The following MARCHF10 variants were observed in gnomAD, a reference collection of about 807,000 sequenced individuals.
The protein encoded by MARCHF10 is probable E3 ubiquitin-protein ligase MARCHF10.
In MARCHF10, 64 loss-of-function variants were observed where a neutral mutation model predicts 76.2. The ratio of observed to expected loss-of-function variants is 0.84; its 90% CI spans 0.69 to 1.03. The LOEUF is 1.03. Ranked by LOEUF, MARCHF10 falls within the 50% of genes least tolerant of loss-of-function variation. MARCHF10 has a pLI of 0.00. For synonymous variants in MARCHF10, 340 were observed against 357.5 expected (o/e 0.95, Z 0.55); for missense variants, 875 against 958.0 (o/e 0.91, Z 1.14).
intron 1 of MARCHF10, 41 bp downstream of exon 1, chr17:62,808,036 G>A (rs2093188253): frequency 6.6e-6 from 1 of 151,634 alleles, no homozygotes; most frequent in Non-Finnish European, 1.5e-5. Flanking sequence ...CCCCATCCTG[G>A]GAGAACTGGA....
intron 6 of MARCHF10, among the ~76,000 whole-genome samples, chr17:62,733,261 C>G (rs2091113450): frequency 6.6e-6 from 1 of 151,964 alleles, no homozygotes; most frequent in Non-Finnish European, 1.5e-5. Flanking sequence ...AAGTTTGAGA[C>G]CAGCCTGGGC....
At chr17:62,723,627 C>T (rs937987741) in intron 7 of MARCHF10, among the ~76,000 whole-genome samples, 5 of 140,216 alleles carry the variant, frequency 3.6e-5, no homozygotes, top group Admixed American at 7.7e-5. Flanking sequence ...ATGAGTCTTC[C>T]GATCGAATCC....
intron 2 of MARCHF10, among the ~76,000 whole-genome samples, chr17:62,790,576 T>C (rs1445921901): frequency 1.3e-5 from 2 of 152,194 alleles, no homozygotes; most frequent in Non-Finnish European, 2.9e-5. Context: ...AGAAAATGAA[T>C]TTGAAGTAAA....
intron 3 of MARCHF10, 29 bp downstream of exon 3, chr17:62,788,451 A>G (rs1418546978): frequency 6.2e-7 from 1 of 1,613,306 alleles, no homozygotes; most frequent in South Asian, 1.1e-5. Flanking sequence ...CAGCAGCCCC[A>G]GGAGACTGTC....
intron 2 of MARCHF10, among the ~76,000 whole-genome samples, chr17:62,793,558 ACC>A: frequency 9.3e-6 from 1 of 107,850 alleles, no homozygotes; most frequent in African/African-American, 3.8e-5. Flanking sequence ...CACTGCCACC[ACC>A]ACCTCCACCA....
At chr17:62,802,640 T>C (rs1470474829) in intron 1 of MARCHF10, among the ~76,000 whole-genome samples, 2 of 152,184 alleles carry the variant, frequency 1.3e-5, no homozygotes, top group African/African-American at 2.4e-5. Context: ...GGGCATAACC[T>C]GGTCTGGAGG....
chr17:62,719,047 A>G (rs2090357600), intron 8 of MARCHF10, among the ~76,000 whole-genome samples: 1 of 152,210 alleles, frequency 6.6e-6, no homozygotes, highest in Non-Finnish European at 1.5e-5. Flanking sequence ...CTAGACTCAC[A>G]CAAATCATTT....
At chr17:62,783,565 C>CA (rs1243193921) in intron 3 of MARCHF10, among the ~76,000 whole-genome samples, 9 of 152,086 alleles carry the variant, frequency 5.9e-5, no homozygotes, top group South Asian at 2.1e-4. Context: ...AAAAACCCTT[C>CA]AAAAAATCAA....
At chr17:62,804,300 G>A (rs907164346) in intron 1 of MARCHF10, among the ~76,000 whole-genome samples, 3 of 152,166 alleles carry the variant, frequency 2.0e-5, no homozygotes, top group Non-Finnish European at 2.9e-5. Flanking sequence ...GGAGCTGACC[G>A]GAGAGGTACA....
In MARCHF10 at chr17:62,780,163, T is replaced by C. The variant is rs1004253933; in HGVS notation, c.210+8317A>G. On this transcript the variant is annotated intron_variant, in intron 3 of 10. Coordinates refer to ENST00000311269, the MANE Select transcript of MARCHF10 (RefSeq NM_152598.4). ...CACTGACCAGACGTGCTCTTGAGTG[T>C]GTAACATGTGGCTAGTGCCACTAGG... is the stretch of plus-strand genomic sequence containing the variant. 4.0e-5 allele frequency among the ~76,000 whole-genome samples: 6 copies of C among 151,848 alleles called. No individual in the cohort carries two copies. The East Asian group carries it at 7.7e-4, about 20-fold the overall frequency.
chr17:62,725,148 TG>T, intron 6 of MARCHF10, 44 bp from the exon 7 acceptor site: 1 of 1,522,234 alleles, frequency 6.6e-7, no homozygotes, highest in East Asian at 2.4e-5. Flanking sequence ...GCTACACGTT[TG>T]CAGTTTCTAC....
chr17:62,759,800 T>C (rs767255474), intron 4 of MARCHF10, 35 bp downstream of exon 4: 6 of 1,602,270 alleles, frequency 3.7e-6, no homozygotes, highest in Non-Finnish European at 5.1e-6. Context: ...ACCGGGATTT[T>C]AGATCTGATG....
intron 3 of MARCHF10, among the ~76,000 whole-genome samples, chr17:62,777,713 C>CAAAAAAAAAAAAAAAA: frequency 1.7e-5 from 1 of 59,660 alleles, no homozygotes; most frequent in Non-Finnish European, 3.1e-5. Flanking sequence ...GACTCCATCT[C>CAAAAAAAAAAAAAAAA]AAAAAAAAAA....
At chr17:62,801,873 G>T in intron 1 of MARCHF10, 121 bp from the exon 2 acceptor site, 1 of 747,668 alleles carries the variant, frequency 1.3e-6, no homozygotes, top group Non-Finnish European at 2.3e-6. Context: ...TTGTTTGAAA[G>T]GCACAGATGC....
chr17:62,750,289 GT>G (rs757555573), intron 4 of MARCHF10: 11 of 154,388 alleles, frequency 7.1e-5, no homozygotes, highest in Non-Finnish European at 1.5e-5. Flanking sequence ...AGATGGGGAA[GT>G]AGCACAGCAC....
intron 2 of MARCHF10, among the ~76,000 whole-genome samples, chr17:62,801,089 T>C (rs1490553834): frequency 3.4e-5 from 3 of 87,380 alleles, no homozygotes; most frequent in African/African-American, 5.2e-5. Flanking sequence ...ACTTTTACAG[T>C]GTTTATTTCA....
rs67106553 is a variant in MARCHF10, at chr17:62,767,450, C to CCATTT, written c.211-7445_211-7444insAAATG. ...AGCTTTGAATTGGTGGGTCTGTATT[C>CCATTT]TTTTTTTTTTTTTTTTTTGAGATGG... On this transcript the variant is annotated intron_variant, in intron 3 of 10. Coordinates refer to ENST00000311269, the MANE Select transcript of MARCHF10 (RefSeq NM_152598.4). Among the ~76,000 whole-genome samples the CCATTT allele has an allele frequency of 5.9e-5, 8 of 134,790 alleles. 1 individual carries two copies. The allele number at this position is 134,790 out of a possible 152,430, so 88.4% of individuals were successfully genotyped here. A position where few individuals can be genotyped will look rare whatever the true frequency, so the allele number is the denominator to read the frequency against.
intron 4 of MARCHF10, among the ~76,000 whole-genome samples, chr17:62,754,497 G>A (rs1010831734): frequency 2.0e-5 from 3 of 152,076 alleles, no homozygotes; most frequent in Non-Finnish European, 4.4e-5. Context: ...GGAAGGCCTG[G>A]GGATTAACCT....
intron 3 of MARCHF10, among the ~76,000 whole-genome samples, chr17:62,769,804 T>C (rs147748262): frequency 2.1e-4 from 32 of 152,358 alleles, no homozygotes; most frequent in African/African-American, 5.0e-4. Flanking sequence ...CTTTTTATTA[T>C]CATTGCATTC....
Sources: gnomAD v4.1 joint callset for allele counts (sites outside exome capture counted in the v4.1 genomes callset) on GRCh38, gnomAD v4.1.1 for gene constraint, MANE v1.5 for transcripts, NCBI Gene and HGNC (gene_info 2026-07-23, HGNC 2026-07-21) for gene names.